Variants in ANKRD12 observed in about 807,000 individuals in gnomAD.
ANKRD12 encodes ankyrin repeat domain-containing protein 12.
Under a neutral mutation model 183.4 loss-of-function variants are expected in ANKRD12, and 85 were observed. That is an observed-to-expected ratio of 0.46 (90% CI 0.39 to 0.56). The LOEUF (loss-of-function observed/expected upper bound fraction) is 0.56, where lower values mean the gene tolerates loss of function less well. Ranked by LOEUF, ANKRD12 falls within the 20% of genes least tolerant of loss-of-function variation. The probability of loss-of-function intolerance (pLI) is 0.00; values close to 1 mark genes in which losing one functional copy is unlikely to be tolerated. For synonymous variants in ANKRD12, 914 were observed against 800.2 expected (o/e 1.14, Z -2.40); for missense variants, 2,405 against 2,357.1 (o/e 1.02, Z -0.42).
chr18:9,173,963 G>A (rs908151660), intron 1 of ANKRD12, among the ~76,000 whole-genome samples: 12 of 152,256 alleles, frequency 7.9e-5, no homozygotes, highest in African/African-American at 2.9e-4. Flanking sequence ...GCTTGTCCCA[G>A]GGAGAGATCA....
intron 4 of ANKRD12, among the ~76,000 whole-genome samples, chr18:9,207,509 G>A (rs1167809224): frequency 6.6e-6 from 1 of 151,880 alleles, no homozygotes; most frequent in African/African-American, 2.4e-5. Context: ...TGGCACACTG[G>A]AAGAATTATT....
At chr18:9,167,751 T>A (rs2032235283) in intron 1 of ANKRD12, among the ~76,000 whole-genome samples, 1 of 152,172 alleles carries the variant, frequency 6.6e-6, no homozygotes, top group African/African-American at 2.4e-5. Flanking sequence ...CTTCCAACAC[T>A]GTGTTGAATA....
In ANKRD12 at chr18:9,224,189, A is replaced by G. The variant is rs1233505016; in HGVS notation, c.943+2190A>G. 3.9e-5 allele frequency among the ~76,000 whole-genome samples: 6 copies of G among 152,362 alleles called. No individual in the cohort carries two copies. The East Asian group carries it at 1.2e-3, about 29-fold the overall frequency. On this transcript the variant is annotated intron_variant, in intron 8 of 12. Coordinates refer to ENST00000262126, the MANE Select transcript of ANKRD12 (RefSeq NM_015208.5). ...GAGTAAGAAAATGGATAGAACCACAAAAGTTATAAAATTTTTTTCAGACTT... is the reference window on the plus strand; with the variant it reads ...GAGTAAGAAAATGGATAGAACCACAGAAGTTATAAAATTTTTTTCAGACTT...
intron 9 of ANKRD12, 99 bp downstream of exon 9, chr18:9,259,030 A>C (rs2038805191): frequency 3.7e-6 from 5 of 1,342,792 alleles, no homozygotes; most frequent in Non-Finnish European, 2.0e-6. Context: ...TAGATAGATA[A>C]TTTCAGCAAA....
intron 8 of ANKRD12, among the ~76,000 whole-genome samples, chr18:9,245,772 C>T (rs1259847265): frequency 6.6e-6 from 1 of 151,964 alleles, no homozygotes. Flanking sequence ...ATTTTTGTGG[C>T]AGGGTTGTTT....
intron 1 of ANKRD12, among the ~76,000 whole-genome samples, chr18:9,162,791 C>A (rs1291104294): frequency 1.4e-5 from 2 of 138,544 alleles, no homozygotes; most frequent in African/African-American, 5.1e-5. Flanking sequence ...TTGCATTTCT[C>A]TAATCAGTGA....
chr18:9,150,163 T>C (rs2078639076), intron 1 of ANKRD12, among the ~76,000 whole-genome samples: 1 of 152,170 alleles, frequency 6.6e-6, no homozygotes, highest in African/African-American at 2.4e-5. Context: ...GGTATAATAT[T>C]TAGCAGCACC....
intron 5 of ANKRD12, 133 bp from the exon 6 acceptor site, chr18:9,211,451 C>A: frequency 1.3e-6 from 1 of 745,328 alleles, no homozygotes; most frequent in Non-Finnish European, 2.2e-6. Context: ...TCATCCAAGT[C>A]AAGGTTTAGG....
chr18:9,202,856 C>T (rs1025550826), intron 3 of ANKRD12, among the ~76,000 whole-genome samples: 3 of 152,184 alleles, frequency 2.0e-5, no homozygotes, highest in East Asian at 1.9e-4. Flanking sequence ...CCAATAGAAA[C>T]ATACCTGTTT....
In ANKRD12 at chr18:9,257,641, A is replaced by G. The variant is rs200517666; in HGVS notation, c.4374A>G (p.Val1458=). 2.6e-4 allele frequency: 419 copies of G among 1,613,858 alleles called. No individual in the cohort carries two copies. The highest frequency in any genetic ancestry group is 3.3e-4 in the Non-Finnish European group (388 of 1,179,962). The change falls in exon 9 of 13, where the codon GTA becomes GTG. Residue 1458 remains valine (V), a synonymous_variant. Coordinates refer to ENST00000262126, the MANE Select transcript of ANKRD12 (RefSeq NM_015208.5). ...GTTTTTGTAATTCTGAAAATAAGGT[A>G]TTGAAAGAAAATGCTGATTTTTTAT... The part of the protein sequence containing the change: ...LQSFCNSENK[V]LKENADFLSL...
intron 8 of ANKRD12, among the ~76,000 whole-genome samples, chr18:9,251,356 A>C (rs2038287122): frequency 6.6e-6 from 1 of 152,376 alleles, no homozygotes; most frequent in East Asian, 1.9e-4. Context: ...AGGATAATAG[A>C]GAATTCAAAT....
At chr18:9,219,913 TAG>T (rs2036323691) in intron 7 of ANKRD12, among the ~76,000 whole-genome samples, 1 of 152,164 alleles carries the variant, frequency 6.6e-6, no homozygotes, top group Non-Finnish European at 1.5e-5. Flanking sequence ...TCACCCTGGG[TAG>T]ATTACTGGAA....
intron 10 of ANKRD12, among the ~76,000 whole-genome samples, chr18:9,265,697 A>ACT (rs1190702076): frequency 1.1e-4 from 17 of 152,062 alleles, no homozygotes; most frequent in African/African-American, 4.1e-4. Flanking sequence ...AAAACTGGAA[A>ACT]CTAAAAATCA....
At chr18:9,203,480 T>C (rs1044103589) in intron 3 of ANKRD12, among the ~76,000 whole-genome samples, 7 of 152,198 alleles carry the variant, frequency 4.6e-5, no homozygotes, top group African/African-American at 1.4e-4. Flanking sequence ...AGTCAAAATA[T>C]ATTTATAAGT....
intron 6 of ANKRD12, among the ~76,000 whole-genome samples, chr18:9,213,529 A>G (rs1341333995): frequency 6.6e-6 from 1 of 151,942 alleles, no homozygotes; most frequent in African/African-American, 2.4e-5. Context: ...ATTATGGTAT[A>G]TTTGATTAGT....
At position 9,256,700 on chromosome 18, in the gene ANKRD12, G is replaced by A. The variant is rs1050775554; in HGVS notation, c.3433G>A (p.Glu1145Lys). ...AGAACTTACTAGGTCAAAGAGTTCA[G>A]AAGTGACTGATGCATATACCAAGGA... ...NKELTRSKSS[E>K]VTDAYTKEKQ... is the part of the protein sequence containing the mutation. The change falls in exon 9 of 13, where the codon GAA (glutamate) becomes AAA (lysine). Residue 1145 changes from glutamate to lysine, a missense_variant. This residue lies in a region of ANKRD12 where 1,983 missense variants were observed against 1,725.9 expected (regional missense o/e 1.15). Transcript: ENST00000262126. 1 of 1,609,312 alleles carries A rather than the reference G, an allele frequency of 6.2e-7. No homozygotes were observed. Among genetic ancestry groups the A allele is most frequent in the Non-Finnish European group, 8.5e-7 (1 of 1,178,782 alleles).
intron 7 of ANKRD12, among the ~76,000 whole-genome samples, chr18:9,218,186 A>C (rs943663967): frequency 6.6e-6 from 1 of 152,222 alleles, no homozygotes; most frequent in Non-Finnish European, 1.5e-5. Context: ...TGTGAACACA[A>C]GTTTCTAAAT....
At chr18:9,157,605 T>TATATATATATATATATATATG (rs1330885636) in intron 1 of ANKRD12, among the ~76,000 whole-genome samples, 1 of 21,526 alleles carries the variant, frequency 4.6e-5, no homozygotes, top group Admixed American at 6.3e-4. Context: ...ATATATGTAT[T>TATATATATATATATATATATG]TTTTTTTTTT....
At chr18:9,140,934 A>G (rs1241531278) in intron 1 of ANKRD12, among the ~76,000 whole-genome samples, 1 of 152,200 alleles carries the variant, frequency 6.6e-6, no homozygotes, top group African/African-American at 2.4e-5. Context: ...TAAAACGGAG[A>G]GGAAACTGAG....
Sources: allele counts gnomAD v4.1 joint callset (sites outside exome capture counted in the v4.1 genomes callset), GRCh38; gene constraint gnomAD v4.1.1; regional missense constraint gnomAD v4.1.1; transcripts MANE v1.5; gene names NCBI Gene and HGNC (gene_info 2026-07-23, HGNC 2026-07-21).